CENPL: variants seen among roughly 807,000 people sequenced by gnomAD.
CENPL encodes the protein interphase centromere complex protein 33.
In CENPL, 20 loss-of-function variants were observed where a neutral mutation model predicts 35.2. That is an observed-to-expected ratio of 0.57 (90% confidence interval 0.40 to 0.83). The LOEUF (loss-of-function observed/expected upper bound fraction) is 0.83, where lower values mean the gene tolerates loss of function less well. Among genes scored for constraint, CENPL ranks in the 40% least tolerant of loss-of-function variants. The pLI, the probability that CENPL is intolerant of heterozygous loss-of-function variation, is 0.00. For missense variants in CENPL, 363 were observed against 395.8 expected, an observed-to-expected ratio of 0.92 and a Z score of 0.70; for synonymous variants, 140 against 140.6, an observed-to-expected ratio of 1.00 and a Z score of 0.03.
Position 173,799,744 on chromosome 1 carries a change from T to C in CENPL, c.*704A>G, listed in dbSNP as rs909943038. On this transcript the variant is annotated 3_prime_UTR_variant, in exon 6 of 6. Coordinates refer to ENST00000682279, the MANE Select transcript of CENPL (RefSeq NM_001387287.1). The stretch of plus-strand genomic sequence containing the variant: ...AGACAGAATTCTTTCTGAATGCAAG[T>C]CTAAAATGCTTAAAAGAGATTAAAG... The C allele has an allele frequency of 7.2e-5, 11 of 152,200 alleles. No homozygotes were observed. The highest frequency in any genetic ancestry group is 2.4e-4 in the African/African-American group (10 of 41,460). The allele number at this position is 152,200 out of a possible 1,614,324, so 9.4% of individuals were successfully genotyped here.
chr1:173,813,349 G>C (rs1651027618), intron 2 of CENPL, among the ~76,000 whole-genome samples: 1 of 152,058 alleles, frequency 6.6e-6, no homozygotes, highest in Non-Finnish European at 1.5e-5. Flanking sequence ...TCCTCAAGAA[G>C]AGCAACCCCA....
chr1:173,817,148 GA>G (rs1651468451), intron 2 of CENPL, among the ~76,000 whole-genome samples: 1 of 145,206 alleles, frequency 6.9e-6, no homozygotes, highest in South Asian at 2.1e-4. Context: ...AGAAAAAAAA[GA>G]AAGCAAAAAA....
At chr1:173,816,815 A>G (rs773019613) in intron 2 of CENPL, among the ~76,000 whole-genome samples, 3 of 152,234 alleles carry the variant, frequency 2.0e-5, no homozygotes, top group African/African-American at 4.8e-5. Flanking sequence ...AATGGCAACA[A>G]AAGCCAAAAT....
intron 2 of CENPL, among the ~76,000 whole-genome samples, chr1:173,812,817 A>G (rs887826740): frequency 1.3e-5 from 2 of 152,196 alleles, no homozygotes; most frequent in South Asian, 2.1e-4. Context: ...CTGGATGGAG[A>G]ATGGCTTTGA....
Position 173,811,172 on chromosome 1 carries a change from G to C in CENPL, c.128C>G (p.Thr43Ser). The C allele has an allele frequency of 6.2e-7, 1 of 1,613,892 alleles. No individual in the cohort carries two copies. The highest frequency in any genetic ancestry group is 8.5e-7 in the Non-Finnish European group (1 of 1,179,788). Residue 43 changes from threonine to serine, a missense_variant, in exon 3 of 6, where the codon ACT becomes AGT. Physicochemically the swap from Thr to Ser is moderately conservative, Grantham distance 58 (BLOSUM62 1). Transcript: ENST00000682279. Reference sequence around the variant, plus strand: ...CTGGGGAATTTTCCTTCGAGGTGGAGTCAGGATAAATGAACTCTGCTTCCT... The same window carrying C: ...CTGGGGAATTTTCCTTCGAGGTGGACTCAGGATAAATGAACTCTGCTTCCT... ...SVRKQSSFIL[T>S]PPRRKIPQCS...
At chr1:173,806,511 G>A (rs545022441) in intron 4 of CENPL, 1 of 441,374 alleles carries the variant, frequency 2.3e-6, no homozygotes, top group Non-Finnish European at 4.6e-6. Flanking sequence ...TTGAGCCCAG[G>A]AGACAGAGGT....
intron 2 of CENPL, among the ~76,000 whole-genome samples, chr1:173,814,797 T>C (rs1008539949): frequency 6.6e-6 from 1 of 151,856 alleles, no homozygotes; most frequent in Non-Finnish European, 1.5e-5. Context: ...AGCAAACAAA[T>C]TCAAAAGCTA....
At chr1:173,815,085 G>C (rs766850661) in intron 2 of CENPL, among the ~76,000 whole-genome samples, 2 of 152,156 alleles carry the variant, frequency 1.3e-5, no homozygotes, top group Non-Finnish European at 2.9e-5. Context: ...AGAAAATCTA[G>C]AAGAAATGGA....
At position 173,800,515 on chromosome 1, in the gene CENPL, A is replaced by C. The variant is rs776106025; in HGVS notation, c.968T>G (p.Leu323Arg). Residue 323 changes from leucine to arginine, a missense_variant, in exon 6 of 6, where the codon CTG becomes CGG. Leu to Arg is a moderately radical substitution (Grantham distance 102). Transcript: ENST00000682279. Reference protein sequence around the residue: ...SAHTDGKIKILCHKYLIGVLA... With the variant: ...SAHTDGKIKIRCHKYLIGVLA... ...CACTCCAATAAGGTATTTATGACAC[A>C]GAATCTGCAAAAAGAAAAAGAAGGA... 6 of 1,398,204 alleles carry C rather than the reference A, an allele frequency of 4.3e-6. No homozygotes were observed. The highest frequency in any genetic ancestry group is 5.0e-6 in the Non-Finnish European group (5 of 999,584). The allele number at this position is 1,398,204 out of a possible 1,614,324, so 86.6% of individuals were successfully genotyped here. A position where few individuals can be genotyped will look rare whatever the true frequency, so the allele number is the denominator to read the frequency against.
At chr1:173,811,050 T>C (rs2102586808) in intron 3 of CENPL, 82 bp downstream of exon 3, 1 of 1,293,164 alleles carries the variant, frequency 7.7e-7, no homozygotes, top group East Asian at 2.3e-5. Context: ...ATACTAAGAA[T>C]ACTATAGTTA....
intron 5 of CENPL, among the ~76,000 whole-genome samples, chr1:173,802,499 C>T (rs1649844178): frequency 1.3e-5 from 2 of 152,172 alleles, no homozygotes; most frequent in Admixed American, 6.5e-5. Flanking sequence ...AGCCACCATG[C>T]CTGGCCTATT....
intron 3 of CENPL, 119 bp downstream of exon 3, chr1:173,811,013 T>C: frequency 1.2e-6 from 1 of 820,720 alleles, no homozygotes; most frequent in Non-Finnish European, 1.9e-6. Context: ...CTTTCTCATT[T>C]ATTTTATTAG....
chr1:173,808,104 T>C (rs1366863318), intron 3 of CENPL, among the ~76,000 whole-genome samples: 1 of 152,132 alleles, frequency 6.6e-6, no homozygotes, highest in Admixed American at 6.5e-5. Context: ...ATTTGATTAG[T>C]CTTAATTTAA....
rs1179086619 is a variant in CENPL at position 173,815,517 on chromosome 1, C to T, written c.-7-4211G>A. ...CCAAGTCAGCTTCGTTCCTAGGATG[C>T]GAGGCTGGTTCAACATACGCAAATC... On this transcript the variant is annotated intron_variant, in intron 2 of 5. Transcript: ENST00000682279. Among the ~76,000 whole-genome samples, 4 of 152,118 alleles carry T rather than the reference C, an allele frequency of 2.6e-5. No homozygotes were observed. The East Asian group carries it at 5.8e-4, about 22-fold the overall frequency.
chr1:173,804,790 C>CTT (rs25571), intron 4 of CENPL, among the ~76,000 whole-genome samples: 96,877 of 151,854 alleles, frequency 0.64, 33,140 homozygotes, highest in African/African-American at 0.91. Flanking sequence ...ACCCCTCAAA[C>CTT]TAAATTTTAA....
At chr1:173,808,186 T>C (rs1571960036) in intron 3 of CENPL, among the ~76,000 whole-genome samples, 1 of 152,082 alleles carries the variant, frequency 6.6e-6, no homozygotes, top group Non-Finnish European at 1.5e-5. Context: ...GGCAGGCGGA[T>C]CACAAGGTCA....
At chr1:173,824,115 G>C (rs1374210009) in intron 1 of CENPL, 96 bp from the exon 2 acceptor site, 1 of 152,114 alleles carries the variant, frequency 6.6e-6, no homozygotes, top group African/African-American at 2.4e-5. Context: ...CCACAAGTGG[G>C]TTCACAAGAG....
intron 2 of CENPL, among the ~76,000 whole-genome samples, chr1:173,817,478 T>C (rs1231028271): frequency 1.3e-5 from 2 of 152,136 alleles, no homozygotes; most frequent in East Asian, 3.9e-4. Flanking sequence ...CCAGTTAGAA[T>C]GGCGATCATT....
chr1:173,815,067 A>G (rs999714090), intron 2 of CENPL, among the ~76,000 whole-genome samples: 1 of 152,220 alleles, frequency 6.6e-6, no homozygotes, highest in African/African-American at 2.4e-5. Context: ...CCTCTATGCA[A>G]ATAAACTAGA....
Sources: allele counts gnomAD v4.1 joint callset (sites outside exome capture counted in the v4.1 genomes callset), GRCh38; gene constraint gnomAD v4.1.1; transcripts MANE v1.5; gene names NCBI Gene and HGNC (gene_info 2026-07-23, HGNC 2026-07-21).